Variants in TOGARAM2 observed in about 807,000 individuals in gnomAD.
The protein encoded by TOGARAM2 is TOG array regulator of axonemal microtubules protein 2.
TOGARAM2 carries 85 observed loss-of-function variants against 93.3 expected under a neutral mutation model. That is an observed-to-expected ratio of 0.91 (90% CI 0.76 to 1.09). The LOEUF (loss-of-function observed/expected upper bound fraction) is 1.09, where lower values mean the gene tolerates loss of function less well. Ranked by LOEUF, TOGARAM2 falls within the 50% of genes least tolerant of loss-of-function variation. TOGARAM2 has a pLI of 0.00. For synonymous variants in TOGARAM2, 593 were observed against 552.8 expected (o/e 1.07, Z -1.02); for missense variants, 1,277 against 1,334.5 (o/e 0.96, Z 0.67).
chr2:28,957,762 T>C lies in TOGARAM2; in HGVS notation c.-147+1065T>C, dbSNP rs149314501. On this transcript the variant is annotated intron_variant, in intron 1 of 6. Coordinates refer to the TOGARAM2 transcript ENST00000401723. Reference sequence around the variant, plus strand: ...GTGTTTATTTCGAACTTCAGTTTCATAGGATAGGGAAGGAGTAGGGGGTCT... The same window carrying C: ...GTGTTTATTTCGAACTTCAGTTTCACAGGATAGGGAAGGAGTAGGGGGTCT... Among the ~76,000 whole-genome samples, 1,002 of 152,274 alleles carry C rather than the reference T, an allele frequency of 6.6e-3. 5 individuals carry two copies. The highest frequency in any genetic ancestry group is 0.01 in the Non-Finnish European group (691 of 68,014).
chr2:29,026,955 A>C lies in TOGARAM2; in HGVS notation c.1956A>C (p.Thr652=). ...EKLLSGTRDS[T]DMLVHNLVRL... The stretch of plus-strand genomic sequence containing the variant: ...TTCTCTCGGGCACCAGAGACAGCAC[A>C]GACATGTTGGTGCACAACCTGGTGA... The change falls in exon 14 of 20, where the codon ACA becomes ACC. Residue 652 remains threonine (T), a synonymous_variant. Coordinates refer to ENST00000379558, the MANE Select transcript of TOGARAM2 (RefSeq NM_199280.4). The C allele has an allele frequency of 6.4e-7, 1 of 1,571,674 alleles. No homozygotes were observed. The highest frequency in any genetic ancestry group is 1.2e-5 in the South Asian group (1 of 85,172).
intron 2 of TOGARAM2, among the ~76,000 whole-genome samples, chr2:28,995,815 G>A (rs1391926691): frequency 2.0e-5 from 3 of 152,238 alleles, no homozygotes; most frequent in Admixed American, 2.0e-4. Flanking sequence ...TTGCAGCCTG[G>A]GGATGGACGA....
At chr2:29,049,193 G>A (rs1666936361) in intron 19 of TOGARAM2, 2 of 152,066 alleles carry the variant, frequency 1.3e-5, no homozygotes, top group Non-Finnish European at 2.9e-5. Flanking sequence ...TAGAGACAGG[G>A]TTTTGCCATG....
At chr2:29,040,460 T>C (rs1224632289) in intron 18 of TOGARAM2, among the ~76,000 whole-genome samples, 1 of 152,184 alleles carries the variant, frequency 6.6e-6, no homozygotes, top group Admixed American at 6.5e-5. Context: ...GTGTACATGG[T>C]TGTTGTAGGG....
chr2:28,999,854 C>T lies in TOGARAM2; in HGVS notation c.427+386C>T, dbSNP rs573053611. Among the ~76,000 whole-genome samples, 9 of 152,366 alleles carry T rather than the reference C, an allele frequency of 5.9e-5. No individual in the cohort carries two copies. The South Asian group carries it at 1.0e-3, about 18-fold the overall frequency. On this transcript the variant is annotated intron_variant, in intron 4 of 19. Transcript: ENST00000379558. ...ACAAGACCTTCTGGCCCTGGCCTCA[C>T]CCCAACTGTGTCACTCTCTGCCTTC...
chr2:28,959,182 T>C (rs12472102), intron 1 of TOGARAM2, among the ~76,000 whole-genome samples: 154 of 152,304 alleles, frequency 1.0e-3, no homozygotes, highest in Admixed American at 8.7e-3. Context: ...TGCCCAGCTG[T>C]CAAGAGAAGC....
chr2:29,027,794 G>A (rs1349899478), intron 14 of TOGARAM2, among the ~76,000 whole-genome samples: 2 of 152,046 alleles, frequency 1.3e-5, no homozygotes, highest in Non-Finnish European at 2.9e-5. Context: ...ACGGCTACAC[G>A]GAGCCAGCTC....
intron 1 of TOGARAM2, among the ~76,000 whole-genome samples, chr2:28,982,465 T>C (rs1672241853): frequency 6.6e-6 from 1 of 152,180 alleles, no homozygotes; most frequent in Admixed American, 6.5e-5. Flanking sequence ...GCTTCTATCC[T>C]GAACTGGGCA....
chr2:28,966,472 A>G (rs751866113), intron 1 of TOGARAM2, among the ~76,000 whole-genome samples: 1 of 151,302 alleles, frequency 6.6e-6, no homozygotes, highest in African/African-American at 2.4e-5. Context: ...TAATTTTTGT[A>G]TTTTTAGTAG....
intron 19 of TOGARAM2, chr2:29,050,202 TAAAA>T (rs1236990757): frequency 2.0e-5 from 3 of 151,882 alleles, no homozygotes; most frequent in African/African-American, 7.3e-5. Flanking sequence ...AAAAAATTTT[TAAAA>T]AAATAACTGA....
At position 29,024,392 on chromosome 2, in the gene TOGARAM2, G is replaced by T; in HGVS notation, c.1853+18G>T. ...GGTGTCTAGTATGTGGCTGCCTGTT[G>T]TCTGAGGGGCGGGGAAGTCAGGGAA... On this transcript the variant is annotated intron_variant, in intron 13 of 19. Coordinates refer to ENST00000379558, the MANE Select transcript of TOGARAM2 (RefSeq NM_199280.4). 6.4e-7 allele frequency: 1 copy of T among 1,569,440 alleles called. No homozygotes were observed. The highest frequency in any genetic ancestry group is 8.7e-7 in the Non-Finnish European group (1 of 1,154,488).
At chr2:29,011,320 T>G (rs556397295) in intron 6 of TOGARAM2, 135 bp from the exon 7 acceptor site, 1 of 701,586 alleles carries the variant, frequency 1.4e-6, no homozygotes, top group Admixed American at 3.1e-5. Flanking sequence ...CAAGAGCCTC[T>G]GCAGGGATAA....
intron 14 of TOGARAM2, among the ~76,000 whole-genome samples, chr2:29,027,554 C>A (rs982007646): frequency 1.3e-5 from 2 of 151,536 alleles, no homozygotes; most frequent in African/African-American, 4.9e-5. Flanking sequence ...TGCTTGAGGC[C>A]AGGAGTTGAG....
At chr2:28,960,530 T>G (rs917519524) in intron 1 of TOGARAM2, among the ~76,000 whole-genome samples, 9 of 152,206 alleles carry the variant, frequency 5.9e-5, no homozygotes, top group African/African-American at 2.2e-4. Flanking sequence ...TTAGTTACTT[T>G]TGCTCTAAAA....
intron 16 of TOGARAM2, among the ~76,000 whole-genome samples, chr2:29,034,466 G>A (rs572173458): frequency 6.6e-6 from 1 of 152,334 alleles, no homozygotes; most frequent in African/African-American, 2.4e-5. Flanking sequence ...TAACGGCAAA[G>A]GCTGTGCTCT....
At chr2:28,970,431 T>C (rs1671931097) in intron 1 of TOGARAM2, among the ~76,000 whole-genome samples, 1 of 152,174 alleles carries the variant, frequency 6.6e-6, no homozygotes, top group Non-Finnish European at 1.5e-5. Context: ...TGATCTAATA[T>C]ATAAAGCGCT....
intron 1 of TOGARAM2, among the ~76,000 whole-genome samples, chr2:28,988,548 G>C (rs576516241): frequency 1.3e-3 from 202 of 152,084 alleles, no homozygotes; most frequent in Middle Eastern, 3.4e-3. Context: ...TTTTCCTTCT[G>C]ACTCTTTCTC....
At chr2:29,027,992 G>T (rs1489844602) in intron 14 of TOGARAM2, among the ~76,000 whole-genome samples, 1 of 152,222 alleles carries the variant, frequency 6.6e-6, no homozygotes, top group Non-Finnish European at 1.5e-5. Flanking sequence ...GATGGTGTGT[G>T]ATTGGAAGTC....
upstream of TOGARAM2, among the ~76,000 whole-genome samples, chr2:28,981,060 C>A (rs1168915581): frequency 2.0e-5 from 3 of 152,216 alleles, no homozygotes; most frequent in Non-Finnish European, 2.9e-5. Flanking sequence ...GTTCTACCAA[C>A]AACATCCCTG....
Sources: gnomAD v4.1 joint callset for allele counts (sites outside exome capture counted in the v4.1 genomes callset) on GRCh38, gnomAD v4.1.1 for gene constraint, MANE v1.5 for transcripts, NCBI Gene and HGNC (gene_info 2026-07-23, HGNC 2026-07-21) for gene names.